Variants in DOT1L observed in about 807,000 individuals in gnomAD.
The protein encoded by DOT1L is DOT1 like histone lysine methyltransferase.
Under a neutral mutation model 153.3 loss-of-function variants are expected in DOT1L, and 33 were observed. The ratio of observed to expected loss-of-function variants is 0.22; its 90% CI spans 0.16 to 0.29. The LOEUF (loss-of-function observed/expected upper bound fraction) is 0.29. DOT1L is among the 10% of genes least tolerant of loss of function. The pLI, the probability that DOT1L is intolerant of heterozygous loss-of-function variation, is 1.00. For synonymous variants in DOT1L, 1,135 were observed against 965.1 expected (o/e 1.18, Z -3.26); for missense variants, 1,847 against 2,119.9 (o/e 0.87, Z 2.53).
At chr19:2,177,168 C>T (rs1437900758) in intron 1 of DOT1L, among the ~76,000 whole-genome samples, 1 of 152,232 alleles carries the variant, frequency 6.6e-6, no homozygotes, top group Admixed American at 6.5e-5. Context: ...CTGACGGCAG[C>T]CACTAGCCAC....
At chr19:2,182,187 A>G (rs1176071835) in intron 2 of DOT1L, among the ~76,000 whole-genome samples, 1 of 152,108 alleles carries the variant, frequency 6.6e-6, no homozygotes, top group Non-Finnish European at 1.5e-5. Flanking sequence ...AGATGGTGCC[A>G]CTGCACTGCA....
At chr19:2,225,502 G>A (rs1568370657) in intron 26 of DOT1L, 50 bp downstream of exon 26, 1 of 1,593,634 alleles carries the variant, frequency 6.3e-7, no homozygotes, top group Non-Finnish European at 8.6e-7. Flanking sequence ...GTGTGGCCGT[G>A]GTGCCCAGTC....
rs184965547 is a variant in DOT1L, at chr19:2,187,917, A to G, written c.201-1815A>G. On this transcript the variant is annotated intron_variant, in intron 3 of 27. Coordinates refer to ENST00000398665, the MANE Select transcript of DOT1L (RefSeq NM_032482.3). ...AGCCTGGGTGACAGAGCGAGACTCC[A>G]TCTCAGAAAAAAAAAAAAAAAGGGA... Among the ~76,000 whole-genome samples the G allele has an allele frequency of 7.7e-3, 617 of 80,172 alleles. 6 individuals carry two copies. Among genetic ancestry groups the G allele is most frequent in the Admixed American group, 0.031 (254 of 8,088 alleles). 52.6% of individuals were successfully genotyped at this position (80,172 alleles called of 152,430 possible). A position where few individuals can be genotyped will look rare whatever the true frequency, so the allele number is the denominator to read the frequency against.
At chr19:2,223,260 A>G (rs756344492) in intron 24 of DOT1L, 21 bp from the exon 25 acceptor site, 1 of 1,612,522 alleles carries the variant, frequency 6.2e-7, no homozygotes. Flanking sequence ...ATGTGCATCC[A>G]TTGTGTCTGT....
rs921566136 is a variant in DOT1L, at chr19:2,208,436, A to G, written c.964-499A>G. Among the ~76,000 whole-genome samples the G allele has an allele frequency of 6.6e-6, 1 of 151,910 alleles. No homozygotes were observed. The highest frequency in any genetic ancestry group is 1.5e-5 in the Non-Finnish European group (1 of 67,948). On this transcript the variant is annotated intron_variant, in intron 11 of 27. Coordinates refer to ENST00000398665, the MANE Select transcript of DOT1L (RefSeq NM_032482.3). This position sits in a 1 kb window ranked among gnomAD's most constrained non-coding sequence, Gnocchi z 4.4. Reference sequence around the variant, plus strand: ...TCTGGGGACCGACAGCCCCAGGCAGATGCACCCCGCCCTCCCACTGCTCCC... The same window carrying G: ...TCTGGGGACCGACAGCCCCAGGCAGGTGCACCCCGCCCTCCCACTGCTCCC...
At chr19:2,176,958 C>T (rs1476161913) in intron 1 of DOT1L, among the ~76,000 whole-genome samples, 5 of 152,150 alleles carry the variant, frequency 3.3e-5, no homozygotes, top group Non-Finnish European at 7.4e-5. Flanking sequence ...AGCAGGACCC[C>T]GATATGAGGG....
At chr19:2,202,341 C>T (rs1243400246) in intron 8 of DOT1L, among the ~76,000 whole-genome samples, 1 of 152,256 alleles carries the variant, frequency 6.6e-6, no homozygotes, top group Non-Finnish European at 1.5e-5. Context: ...CGTGCTGGGC[C>T]TCTGTTTTTG....
At position 2,186,722 on chromosome 19, in the gene DOT1L, T is replaced by C. The variant is rs551574873; in HGVS notation, c.200+793T>C. On this transcript the variant is annotated intron_variant, in intron 3 of 27. Coordinates refer to ENST00000398665, the MANE Select transcript of DOT1L (RefSeq NM_032482.3). ...CCTCCCTCGAGCCCTGCCCATTCCC[T>C]GGTCAGCACCCTGGTGCCCCACAGG... Among the ~76,000 whole-genome samples the C allele has an allele frequency of 4.6e-5, 7 of 152,368 alleles. No homozygotes were observed. The East Asian group carries it at 9.7e-4, about 21-fold the overall frequency.
rs2024463852 is a variant in DOT1L, at chr19:2,228,505, GCCAGGGAGA to G, written c.4607-1270_4607-1262del. 3 of 1,178,438 alleles carry G rather than the reference GCCAGGGAGA, an allele frequency of 2.5e-6. No individual in the cohort carries two copies. The South Asian group carries it at 4.8e-5, about 19-fold the overall frequency. 73.0% of individuals were successfully genotyped at this position (1,178,438 alleles called of 1,614,324 possible). A position where few individuals can be genotyped will look rare whatever the true frequency, so the allele number is the denominator to read the frequency against. On this transcript the variant is annotated intron_variant, in intron 27 of 27. Coordinates refer to ENST00000398665, the MANE Select transcript of DOT1L (RefSeq NM_032482.3). ...GTCCTGAGGAGGGAAGAGGGAGAGAGCCAGGGAGACCAGGGAGATGGTCGCGAGAGGAGG... is the reference window on the plus strand; with the variant it reads ...GTCCTGAGGAGGGAAGAGGGAGAGAGCCAGGGAGATGGTCGCGAGAGGAGG...
rs756680657 is a variant in DOT1L at position 2,217,099 on chromosome 19, C to T, written c.2544+9C>T. On this transcript the variant is annotated intron_variant, in intron 21 of 27. Transcript: ENST00000398665. This position sits in a 1 kb window ranked among gnomAD's most constrained non-coding sequence, Gnocchi z 7.3. ...AGAAGAGCAGTGAGAAGGTGCGGGC[C>T]GCGACCCCTGCCCCGGGCTCAGGGA... 35 of 1,584,834 alleles carry T rather than the reference C, an allele frequency of 2.2e-5. No homozygotes were observed. The highest frequency in any genetic ancestry group is 6.9e-5 in the Admixed American group (4 of 58,240).
At chr19:2,199,416 G>T (rs934324101) in intron 7 of DOT1L, among the ~76,000 whole-genome samples, 9 of 152,250 alleles carry the variant, frequency 5.9e-5, no homozygotes, top group Non-Finnish European at 1.2e-4. Flanking sequence ...GCCTGCCGCA[G>T]AGGGTGCCCC....
At position 2,226,625 on chromosome 19, in the gene DOT1L, G is replaced by T. The variant is rs1320231903; in HGVS notation, c.4104G>T (p.Leu1368=). The change falls in exon 27 of 28, where the codon CTG becomes CTT. Residue 1368 remains leucine, a synonymous_variant. Coordinates refer to ENST00000398665, the MANE Select transcript of DOT1L (RefSeq NM_032482.3). Reference sequence around the variant, plus strand: ...AGGGCTCGGACGCCAACCCTTTCCTGAGCAAGAGGCAGCTGGACGGCCTGG... The same window carrying T: ...AGGGCTCGGACGCCAACCCTTTCCTTAGCAAGAGGCAGCTGGACGGCCTGG... The part of the protein sequence containing the change: ...GKEGSDANPF[L]SKRQLDGLAG... 3.1e-6 allele frequency: 5 copies of T among 1,594,502 alleles called. No homozygotes were observed. Among genetic ancestry groups the T allele is most frequent in the South Asian group, 1.1e-5 (1 of 89,772 alleles).
At position 2,204,169 on chromosome 19, in the gene DOT1L, G is replaced by C. The variant is rs1175707498; in HGVS notation, c.787+1390G>C. Among the ~76,000 whole-genome samples the C allele has an allele frequency of 6.6e-6, 1 of 151,510 alleles. No individual in the cohort carries two copies. The highest frequency in any genetic ancestry group is 1.5e-5 in the Non-Finnish European group (1 of 67,816). On this transcript the variant is annotated intron_variant, in intron 9 of 27. Coordinates refer to ENST00000398665, the MANE Select transcript of DOT1L (RefSeq NM_032482.3). This position sits in a 1 kb window ranked among gnomAD's most constrained non-coding sequence, Gnocchi z 5.7. ...TGTGTGCCCGTGTGCCTGTGTGTCTGTTAGCGTGTCTCTGTGTGCGTGCCT... is the reference window on the plus strand; with the variant it reads ...TGTGTGCCCGTGTGCCTGTGTGTCTCTTAGCGTGTCTCTGTGTGCGTGCCT...
At chr19:2,173,283 G>C (rs1300069081) in intron 1 of DOT1L, among the ~76,000 whole-genome samples, 1 of 152,146 alleles carries the variant, frequency 6.6e-6, no homozygotes, top group African/African-American at 2.4e-5. Context: ...CTAGAGGGTC[G>C]GTGTCTGTCA....
At chr19:2,200,561 AC>A (rs889461595) in intron 8 of DOT1L, among the ~76,000 whole-genome samples, 7 of 151,966 alleles carry the variant, frequency 4.6e-5, no homozygotes, top group African/African-American at 1.7e-4. Context: ...TGTGCCAGGG[AC>A]CCTGGAGGCC....
At chr19:2,225,975 G>A (rs1223162034) in intron 26 of DOT1L, among the ~76,000 whole-genome samples, 1 of 151,940 alleles carries the variant, frequency 6.6e-6, no homozygotes, top group African/African-American at 2.4e-5. Flanking sequence ...CTCATCCTGT[G>A]CTGTAGTCCT....
chr19:2,203,672 G>A (rs563943665), intron 9 of DOT1L, among the ~76,000 whole-genome samples: 1 of 152,214 alleles, frequency 6.6e-6, no homozygotes, highest in Non-Finnish European at 1.5e-5. Flanking sequence ...CTGCAGTCGA[G>A]GGTGGTACCC....
chr19:2,196,552 C>T (rs930992696), intron 7 of DOT1L, among the ~76,000 whole-genome samples: 4 of 152,124 alleles, frequency 2.6e-5, no homozygotes, highest in African/African-American at 4.8e-5. Context: ...AGGCGGGTCT[C>T]AAATTCCTGA....
At chr19:2,201,174 C>T (rs1320439267) in intron 8 of DOT1L, among the ~76,000 whole-genome samples, 39 of 129,660 alleles carry the variant, frequency 3.0e-4, no homozygotes, top group African/African-American at 4.6e-4. Context: ...TCGTCCTCCC[C>T]GCATTCCTCG....
Sources: gnomAD v4.1 joint callset for allele counts (sites outside exome capture counted in the v4.1 genomes callset) on GRCh38, gnomAD v4.1.1 for gene constraint, Gnocchi (gnomAD v3.1) non-coding constraint, MANE v1.5 for transcripts, NCBI Gene and HGNC (gene_info 2026-07-23, HGNC 2026-07-21) for gene names.